PTBP2: variants seen among roughly 807,000 people sequenced by gnomAD.
PTBP2 encodes the protein polypyrimidine tract-binding protein 2.
Under a neutral mutation model 61.4 loss-of-function variants are expected in PTBP2, and 13 were observed. That is an observed-to-expected ratio of 0.21 (90% CI 0.14 to 0.34). The LOEUF (loss-of-function observed/expected upper bound fraction) is 0.34. PTBP2 is among the 10% of genes least tolerant of loss of function. PTBP2 has a pLI of 1.00. For synonymous variants in PTBP2, 215 were observed against 218.5 expected (o/e 0.98, Z 0.14); for missense variants, 405 against 642.6 (o/e 0.63, Z 4.00).
chr1:96,727,475 CTT>C (rs1444334696), intron 2 of PTBP2, among the ~76,000 whole-genome samples: 1 of 152,036 alleles, frequency 6.6e-6, no homozygotes, highest in Non-Finnish European at 1.5e-5. Context: ...GAACTGCAAA[CTT>C]TTTAAAAGTA....
At chr1:96,792,088 C>T (rs542220899) in intron 8 of PTBP2, among the ~76,000 whole-genome samples, 2 of 152,158 alleles carry the variant, frequency 1.3e-5, no homozygotes, top group South Asian at 2.1e-4. Context: ...CCTCCTGCCT[C>T]GGCCTCCCAA....
At chr1:96,728,780 T>C (rs750571161) in intron 2 of PTBP2, among the ~76,000 whole-genome samples, 19 of 152,008 alleles carry the variant, frequency 1.2e-4, no homozygotes, top group Non-Finnish European at 2.6e-4. Context: ...ATGACTACAA[T>C]TGATGTCTCT....
In PTBP2 at chr1:96,804,786, G is replaced by T. The variant is rs760439751; in HGVS notation, c.905-14G>T. The T allele has an allele frequency of 6.3e-7, 1 of 1,583,008 alleles. No homozygotes were observed. Among genetic ancestry groups the T allele is most frequent in the South Asian group, 1.1e-5 (1 of 87,822 alleles). On this transcript the variant is annotated splice_polypyrimidine_tract_variant and intron_variant, in intron 8 of 13. Transcript: ENST00000674951. The stretch of plus-strand genomic sequence containing the variant: ...AAATATGCTTTATTTTAAAATTAGG[G>T]CTTCCTGTTGCAGCTGTTCCAGGAG...
At chr1:96,786,894 A>G (rs754289718) in intron 8 of PTBP2, among the ~76,000 whole-genome samples, 4 of 152,184 alleles carry the variant, frequency 2.6e-5, no homozygotes, top group Non-Finnish European at 5.9e-5. Context: ...CCATCTGGAT[A>G]TACTTAGATG....
chr1:96,725,990 G>A (rs1411523824), intron 2 of PTBP2, among the ~76,000 whole-genome samples: 8 of 144,680 alleles, frequency 5.5e-5, no homozygotes, highest in African/African-American at 2.0e-4. Context: ...CAGGAGAATG[G>A]CATGAACCTG....
intron 11 of PTBP2, among the ~76,000 whole-genome samples, chr1:96,810,072 A>G (rs1486102784): frequency 2.1e-5 from 3 of 143,312 alleles, no homozygotes; most frequent in Non-Finnish European, 3.0e-5. Flanking sequence ...TCCAGTTTCC[A>G]CATCATATAA....
At chr1:96,752,087 G>T (rs1350915333) in intron 3 of PTBP2, among the ~76,000 whole-genome samples, 1 of 151,980 alleles carries the variant, frequency 6.6e-6, no homozygotes, top group Non-Finnish European at 1.5e-5. Flanking sequence ...GTTGTTTGTA[G>T]CATCTGTCAG....
At chr1:96,726,826 G>A (rs1396284205) in intron 2 of PTBP2, among the ~76,000 whole-genome samples, 4 of 151,972 alleles carry the variant, frequency 2.6e-5, no homozygotes, top group Admixed American at 2.6e-4. Context: ...TCCATCATCC[G>A]CCCGCCTTGA....
At chr1:96,799,532 G>A (rs533983169) in intron 8 of PTBP2, among the ~76,000 whole-genome samples, 1 of 151,954 alleles carries the variant, frequency 6.6e-6, no homozygotes, top group East Asian at 1.9e-4. Flanking sequence ...TCCTGACCTT[G>A]TGATAGATCA....
chr1:96,802,909 C>G (rs1159400850), intron 8 of PTBP2, among the ~76,000 whole-genome samples: 2 of 152,078 alleles, frequency 1.3e-5, no homozygotes, highest in African/African-American at 4.8e-5. Context: ...TCAGTCAGAG[C>G]TATCTGAAAA....
At chr1:96,753,632 G>T (rs1019723985) in intron 3 of PTBP2, among the ~76,000 whole-genome samples, 1 of 151,992 alleles carries the variant, frequency 6.6e-6, no homozygotes, top group Non-Finnish European at 1.5e-5. Context: ...ATTCCAAAAT[G>T]ACCTAGAGTT....
intron 3 of PTBP2, 26 bp from the exon 4 acceptor site, chr1:96,769,677 A>G: frequency 6.8e-7 from 1 of 1,479,818 alleles, no homozygotes; most frequent in South Asian, 1.4e-5. Flanking sequence ...GTTGATATAT[A>G]AGGACTGTTT....
intron 2 of PTBP2, among the ~76,000 whole-genome samples, chr1:96,742,390 CTG>C (rs1262147541): frequency 1.3e-5 from 2 of 152,068 alleles, no homozygotes; most frequent in African/African-American, 2.4e-5. Flanking sequence ...TCCTAGAAAA[CTG>C]TTTTATTGAA....
At chr1:96,792,167 GAC>G (rs1659919481) in intron 8 of PTBP2, among the ~76,000 whole-genome samples, 1 of 152,028 alleles carries the variant, frequency 6.6e-6, no homozygotes, top group Admixed American at 6.5e-5. Context: ...ATTATTTTGT[GAC>G]ACAAACATTT....
In PTBP2 at chr1:96,769,768, C is replaced by T; in HGVS notation, c.181C>T (p.Leu61Phe). ...DKMDGAPSRVLHIRKLPGEVT... is the reference protein window; with the variant it reads ...DKMDGAPSRVFHIRKLPGEVT... ...AATGGATGGTGCTCCTTCTCGTGTA[C>T]TTCATATTCGAAAATTACCTGGGGA... The change falls in exon 4 of 14, where the codon CTT becomes TTT. Residue 61 changes from leucine to phenylalanine, a missense_variant. By Grantham distance (22) the Leu-to-Phe change is conservative. Coordinates refer to ENST00000674951, the MANE Select transcript of PTBP2 (RefSeq NM_021190.4). 6.2e-7 allele frequency: 1 copy of T among 1,611,240 alleles called. No homozygotes were observed. Among genetic ancestry groups the T allele is most frequent in the Non-Finnish European group, 8.5e-7 (1 of 1,178,422 alleles).
At chr1:96,742,185 T>C (rs977829788) in intron 2 of PTBP2, among the ~76,000 whole-genome samples, 1 of 152,218 alleles carries the variant, frequency 6.6e-6, no homozygotes, top group Non-Finnish European at 1.5e-5. Context: ...TTTTTTGAGC[T>C]GAAAGGCAGA....
chr1:96,784,843 G>T, intron 7 of PTBP2: 1 of 439,592 alleles, frequency 2.3e-6, no homozygotes, highest in Non-Finnish European at 4.0e-6. Flanking sequence ...TGTATTTTAG[G>T]TTGAAGTAGC....
intron 8 of PTBP2, among the ~76,000 whole-genome samples, chr1:96,786,368 A>C (rs1225740913): frequency 1.3e-5 from 2 of 152,176 alleles, no homozygotes; most frequent in African/African-American, 4.8e-5. Flanking sequence ...ATCCTAGCAG[A>C]AGTCATAGTG....
chr1:96,722,067 G>A (rs1317389367), intron 1 of PTBP2, among the ~76,000 whole-genome samples, 195 bp downstream of exon 1: 1 of 152,138 alleles, frequency 6.6e-6, no homozygotes, highest in Non-Finnish European at 1.5e-5. Context: ...TGAGAAGAAA[G>A]CGGGCTTGGA....
Sources: allele counts gnomAD v4.1 joint callset (sites outside exome capture counted in the v4.1 genomes callset), GRCh38; gene constraint gnomAD v4.1.1; transcripts MANE v1.5; gene names NCBI Gene and HGNC (gene_info 2026-07-23, HGNC 2026-07-21).